IMPDH1: variants seen among roughly 807,000 people sequenced by gnomAD.
IMPDH1 encodes the protein inosine monophosphate dehydrogenase 1.
IMPDH1 carries 41 observed loss-of-function variants against 73.5 expected under a neutral mutation model. The observed-to-expected ratio is 0.56, with a 90% confidence interval of 0.43 to 0.72. The LOEUF (loss-of-function observed/expected upper bound fraction) is 0.72, where lower values mean the gene tolerates loss of function less well. Among genes scored for constraint, IMPDH1 ranks in the 30% least tolerant of loss-of-function variants. IMPDH1 has a pLI of 0.00. For missense variants in IMPDH1, 645 were observed against 824.8 expected, an observed-to-expected ratio of 0.78 and a Z score of 2.67; for synonymous variants, 318 against 334.3, an observed-to-expected ratio of 0.95 and a Z score of 0.53.
chr7:128,403,984 G>A (rs1798526298), intron 4 of IMPDH1, among the ~76,000 whole-genome samples: 1 of 152,222 alleles, frequency 6.6e-6, no homozygotes. Context: ...AAGGTCTACT[G>A]GGGTACCATC....
At chr7:128,399,643 C>A (rs540207720) in intron 9 of IMPDH1, among the ~76,000 whole-genome samples, 1 of 151,590 alleles carries the variant, frequency 6.6e-6, no homozygotes. Flanking sequence ...GCTGACATTG[C>A]GCCACTGTAC....
intron 3 of IMPDH1, 59 bp from the exon 4 acceptor site, chr7:128,405,924 C>CGCTGCT (rs1210776314): frequency 2.0e-5 from 29 of 1,447,282 alleles, no homozygotes; most frequent in East Asian, 1.9e-4. Flanking sequence ...CCGCTGCCGC[C>CGCTGCT]GCTGCTGCTG....
At position 128,394,266 on chromosome 7, in the gene IMPDH1, C is replaced by T. The variant is rs1797744730; in HGVS notation, c.1778+12G>A. The stretch of plus-strand genomic sequence containing the variant: ...TGCCTCCAAGTGACAGCAAGGAGGC[C>T]ACCACACTTACGAGTGCAGGCCATG... On this transcript the variant is annotated intron_variant, in intron 16 of 16. Coordinates refer to ENST00000338791, the MANE Select transcript of IMPDH1 (RefSeq NM_000883.4). The surrounding 1 kb of genome is among the most constrained non-coding windows in gnomAD (Gnocchi z 5.5). 3.1e-6 allele frequency: 5 copies of T among 1,611,886 alleles called. No individual in the cohort carries two copies. The highest frequency in any genetic ancestry group is 3.4e-6 in the Non-Finnish European group (4 of 1,178,200).
chr7:128,405,152 T>G lies in IMPDH1; in HGVS notation c.353+615A>C, dbSNP rs868502467. On this transcript the variant is annotated intron_variant, in intron 4 of 16. Transcript: ENST00000338791. Reference sequence around the variant, plus strand: ...GCCTAGGGACCACGGAAAAGGCAAATGAAGCCAGAGGCAGACGGGTGGGTC... The same window carrying G: ...GCCTAGGGACCACGGAAAAGGCAAAGGAAGCCAGAGGCAGACGGGTGGGTC... 2.6e-5 allele frequency among the ~76,000 whole-genome samples: 4 copies of G among 152,288 alleles called. No homozygotes were observed. The Middle Eastern group carries it at 0.014, about 518-fold the overall frequency.
At chr7:128,404,627 AG>A (rs1223680184) in intron 4 of IMPDH1, among the ~76,000 whole-genome samples, 1 of 152,064 alleles carries the variant, frequency 6.6e-6, no homozygotes, top group African/African-American at 2.4e-5. Flanking sequence ...CACAGGGTGG[AG>A]GGGGGTGGGT....
intron 4 of IMPDH1, 98 bp downstream of exon 4, chr7:128,405,669 G>A (rs891918681): frequency 1.4e-6 from 2 of 1,451,486 alleles, no homozygotes; most frequent in African/African-American, 1.5e-5. Context: ...CACTCGCACC[G>A]GGCAGGGAAC....
chr7:128,400,063 G>A (rs1317801622), intron 9 of IMPDH1, 32 bp downstream of exon 9: 4 of 1,498,786 alleles, frequency 2.7e-6, no homozygotes, highest in Admixed American at 3.3e-5. Context: ...GAGTCAGGCT[G>A]GGGGTTGAGT....
chr7:128,401,822 T>A (rs1384384760), intron 5 of IMPDH1, among the ~76,000 whole-genome samples: 5 of 152,064 alleles, frequency 3.3e-5, no homozygotes, highest in Non-Finnish European at 7.4e-5. Flanking sequence ...ATTGCAAGTA[T>A]CCATTTAAAA....
In IMPDH1 at chr7:128,409,876, G is replaced by A. The variant is rs1799031110; in HGVS notation, c.26C>T (p.Pro9Leu). The change falls in exon 1 of 17, where the codon CCG becomes CTG. Residue 9 changes from proline to leucine, a missense_variant. This residue lies in a region of IMPDH1 where 186 missense variants were observed against 186.6 expected (regional missense o/e 1.00). Coordinates refer to ENST00000338791, the MANE Select transcript of IMPDH1 (RefSeq NM_000883.4). ...AGCGGCGGCTCCGCCTCCCTGCAGC[G>A]GTGGTGGAGTGAGTGGCCCCTCCAT... MEGPLTPP[P>L]LQGGGAAAVP... is the part of the protein sequence containing the mutation. The A allele has an allele frequency of 2.0e-6, 3 of 1,475,500 alleles. No homozygotes were observed. Among genetic ancestry groups the A allele is most frequent in the Admixed American group, 4.6e-5 (2 of 43,312 alleles). The allele number at this position is 1,475,500 out of a possible 1,614,324, so 91.4% of individuals were successfully genotyped here.
At chr7:128,408,682 C>T (rs1798937414) in intron 3 of IMPDH1, among the ~76,000 whole-genome samples, 1 of 152,174 alleles carries the variant, frequency 6.6e-6, no homozygotes, top group African/African-American at 2.4e-5. Flanking sequence ...ATGTTTGCAA[C>T]CCCTACTCTA....
At chr7:128,401,229 A>G in intron 5 of IMPDH1, 113 bp from the exon 6 acceptor site, 1 of 755,636 alleles carries the variant, frequency 1.3e-6, no homozygotes, top group Non-Finnish European at 2.3e-6. Flanking sequence ...GGCAGTGAAC[A>G]AGGTGGATGA....
Position 128,409,954 on chromosome 7 carries a change from G to T in IMPDH1, c.-53C>A, listed in dbSNP as rs1799037607. On this transcript the variant is annotated 5_prime_UTR_variant, in exon 1 of 17. Coordinates refer to ENST00000338791, the MANE Select transcript of IMPDH1 (RefSeq NM_000883.4). ...GAGCCTGGAGGCTCCCGGGGCCCCG[G>T]CTGGGCAGTGAGCGCAGCCCGGTCG... 1 of 1,314,634 alleles carries T rather than the reference G, an allele frequency of 7.6e-7. No individual in the cohort carries two copies. The highest frequency in any genetic ancestry group is 9.7e-7 in the Non-Finnish European group (1 of 1,035,814). 81.4% of individuals were successfully genotyped at this position (1,314,634 alleles called of 1,614,324 possible).
intron 5 of IMPDH1, 29 bp downstream of exon 5, chr7:128,403,677 C>A (rs367976312): frequency 3.1e-5 from 49 of 1,603,918 alleles, no homozygotes; most frequent in Middle Eastern, 3.3e-4. Flanking sequence ...ACACAGCCCC[C>A]TCCCCTTGTC....
rs1239658125 is a variant in IMPDH1, at chr7:128,396,043, G to A, written c.1261+557C>T. On this transcript the variant is annotated intron_variant, in intron 12 of 16. Transcript: ENST00000338791. The surrounding 1 kb of genome is among the most constrained non-coding windows in gnomAD (Gnocchi z 4.0). ...CCGGGTACATCTCCTCAGGCCAAGT[G>A]AGGACCCAAGTCTTCCAGGCAGCCA... Among the ~76,000 whole-genome samples the A allele has an allele frequency of 1.3e-5, 2 of 152,258 alleles. No homozygotes were observed. Among genetic ancestry groups the A allele is most frequent in the East Asian group, 1.9e-4 (1 of 5,180 alleles).
rs1380554774 is a variant in IMPDH1, at chr7:128,394,281, T to C, written c.1775A>G (p.His592Arg). Reference protein sequence around the residue: ...AQIEGGVHGLHSYEKRLY With the variant: ...AQIEGGVHGLRSYEKRLY ...GCAAGGAGGCCACCACACTTACGAG[T>C]GCAGGCCATGGACACCACCCTCAAT... The change falls in exon 16 of 17, where the codon CAC becomes CGC. Residue 592 changes from histidine to arginine, a missense_variant. This residue lies in a region of IMPDH1 where 459 missense variants were observed against 638.2 expected (regional missense o/e 0.72). Transcript: ENST00000338791. The surrounding 1 kb of genome is among the most constrained non-coding windows in gnomAD (Gnocchi z 5.5). 4 of 1,613,368 alleles carry C rather than the reference T, an allele frequency of 2.5e-6. No individual in the cohort carries two copies. In the African/African-American group the frequency reaches 4.0e-5, roughly 16 times the overall value.
rs1797743608 is a variant in IMPDH1 at position 128,394,256 on chromosome 7, G to A, written c.1778+22C>T. 1.3e-6 allele frequency: 2 copies of A among 1,597,836 alleles called. No individual in the cohort carries two copies. The highest frequency in any genetic ancestry group is 1.1e-5 in the South Asian group (1 of 90,770). On this transcript the variant is annotated intron_variant, in intron 16 of 16. Transcript: ENST00000338791. This position sits in a 1 kb window ranked among gnomAD's most constrained non-coding sequence, Gnocchi z 5.5. ...CCCAACCCACTGCCTCCAAGTGACA[G>A]CAAGGAGGCCACCACACTTACGAGT... is the stretch of plus-strand genomic sequence containing the variant.
rs1797891959 is a variant in IMPDH1 at position 128,396,065 on chromosome 7, G to A, written c.1261+535C>T. Among the ~76,000 whole-genome samples, 1 of 152,132 alleles carries A rather than the reference G, an allele frequency of 6.6e-6. No individual in the cohort carries two copies. The highest frequency in any genetic ancestry group is 2.4e-5 in the African/African-American group (1 of 41,420). On this transcript the variant is annotated intron_variant, in intron 12 of 16. Transcript: ENST00000338791. This position sits in a 1 kb window ranked among gnomAD's most constrained non-coding sequence, Gnocchi z 4.0. ...AGTGAGGACCCAAGTCTTCCAGGCA[G>A]CCACCCCACAAGTCAGATACCAGCC...
intron 3 of IMPDH1, 156 bp from the exon 4 acceptor site, chr7:128,406,021 G>A: frequency 3.2e-6 from 1 of 311,604 alleles, no homozygotes; most frequent in Non-Finnish European, 4.6e-6. Flanking sequence ...GGCAGCGGCA[G>A]GGCGGGCCAG....
chr7:128,401,740 C>T (rs1486768912), intron 5 of IMPDH1, among the ~76,000 whole-genome samples: 1 of 152,080 alleles, frequency 6.6e-6, no homozygotes, highest in African/African-American at 2.4e-5. Context: ...TGGGGGTAGG[C>T]ATGGAAAAGA....
Sources: gnomAD v4.1 joint callset for allele counts (sites outside exome capture counted in the v4.1 genomes callset) on GRCh38, gnomAD v4.1.1 for gene constraint, gnomAD v4.1.1 regional missense constraint, Gnocchi (gnomAD v3.1) non-coding constraint, MANE v1.5 for transcripts, NCBI Gene and HGNC (gene_info 2026-07-23, HGNC 2026-07-21) for gene names.